The following MGARP variants were observed in gnomAD, a reference collection of about 807,000 sequenced individuals.
MGARP encodes mitochondria localized glutamic acid rich protein.
A neutral mutation model predicts 11.0 loss-of-function variants in MGARP; 12 were observed. The observed-to-expected ratio is 1.09, with a 90% CI of 0.70 to 1.77. The LOEUF (loss-of-function observed/expected upper bound fraction) is 1.77. MGARP is among the 40% of genes most tolerant of loss of function. The probability of loss-of-function intolerance (pLI) is 0.00; values close to 1 mark genes in which losing one functional copy is unlikely to be tolerated. For missense variants in MGARP, 283 were observed against 297.8 expected (o/e 0.95, Z 0.36); for synonymous variants, 110 against 115.4 (o/e 0.95, Z 0.30).
In MGARP at chr4:139,266,934, C is replaced by A; in HGVS notation, c.388G>T (p.Val130Phe). 1.2e-6 allele frequency: 2 copies of A among 1,614,218 alleles called. No individual in the cohort carries two copies. The highest frequency in any genetic ancestry group is 1.7e-6 in the Non-Finnish European group (2 of 1,180,032). Residue 130 changes from valine to phenylalanine, a missense_variant, in exon 4 of 4, where the codon GTT becomes TTT. Physicochemically the swap from Val to Phe is conservative, Grantham distance 50. Coordinates refer to ENST00000398955, the MANE Select transcript of MGARP (RefSeq NM_032623.4). ...GCAGATGCCTCTTTTATGACCACAA[C>A]TGTAGCACTGGGACTTTCTTCAGCA... is the stretch of plus-strand genomic sequence containing the variant. Reference protein sequence around the residue: ...VDAEESPSATVVVIKEASACP... With the variant: ...VDAEESPSATFVVIKEASACP...
chr4:139,273,266 C>T (rs1744814201), intron 2 of MGARP, among the ~76,000 whole-genome samples: 1 of 151,658 alleles, frequency 6.6e-6, no homozygotes, highest in Non-Finnish European at 1.5e-5. Flanking sequence ...GTTGACCAGG[C>T]TTGAGTGCAG....
At chr4:139,274,781 C>T (rs1744842224) in intron 2 of MGARP, among the ~76,000 whole-genome samples, 1 of 152,170 alleles carries the variant, frequency 6.6e-6, no homozygotes, top group African/African-American at 2.4e-5. Flanking sequence ...CTGCACCCAG[C>T]TCCTATATTA....
intron 2 of MGARP, among the ~76,000 whole-genome samples, chr4:139,270,168 C>T (rs946441693): frequency 1.1e-4 from 16 of 151,342 alleles, no homozygotes; most frequent in East Asian, 3.9e-4. Context: ...GGCGTGGTGG[C>T]GCATGCCTGT....
rs73853233 is a variant in MGARP, at chr4:139,268,431, T to C, written c.280+241A>G. ...TATTACCACACAAAGGAGTCAAAAGTCACTGGTCAGCAATATAAATGTAAA... is the reference window on the plus strand; with the variant it reads ...TATTACCACACAAAGGAGTCAAAAGCCACTGGTCAGCAATATAAATGTAAA... On this transcript the variant is annotated intron_variant, in intron 3 of 3. Transcript: ENST00000398955. Among the ~76,000 whole-genome samples the C allele has an allele frequency of 5.7e-3, 863 of 152,322 alleles. 5 individuals carry two copies. The highest frequency in any genetic ancestry group is 0.019 in the African/African-American group (810 of 41,576).
At position 139,275,315 on chromosome 4, in the gene MGARP, C is replaced by T. The variant is rs376742509; in HGVS notation, c.160G>A (p.Val54Ile). The change falls in exon 2 of 4, where the codon GTC becomes ATC. Residue 54 changes from valine to isoleucine, a missense_variant. By Grantham distance (29) the Val-to-Ile change is conservative (BLOSUM62 3). Transcript: ENST00000398955. ...TAATATCCACCAGCACTGACTGTGA[C>T]GCCTACAACCAGATAATAAATCATA... ...SNMIYYLVVG[V>I]TVSAGGYYAY... is the part of the protein sequence containing the mutation. 172 of 1,613,720 alleles carry T rather than the reference C, an allele frequency of 1.1e-4. No individual in the cohort carries two copies. The highest frequency in any genetic ancestry group is 5.8e-4 in the East Asian group (26 of 44,880).
intron 2 of MGARP, among the ~76,000 whole-genome samples, chr4:139,269,111 C>A (rs1744738364): frequency 6.6e-6 from 1 of 152,064 alleles, no homozygotes; most frequent in Non-Finnish European, 1.5e-5. Flanking sequence ...ACATGTACAC[C>A]TTAACCTAAA....
At chr4:139,275,111 C>T (rs1022628059) in intron 2 of MGARP, among the ~76,000 whole-genome samples, 178 bp downstream of exon 2, 2 of 151,928 alleles carry the variant, frequency 1.3e-5, no homozygotes, top group Non-Finnish European at 2.9e-5. Flanking sequence ...TTATGAAAAC[C>T]CTGTATTTCT....
At chr4:139,273,510 CTT>C (rs1000327890) in intron 2 of MGARP, among the ~76,000 whole-genome samples, 18 of 123,636 alleles carry the variant, frequency 1.5e-4, no homozygotes, top group East Asian at 2.4e-4. Context: ...TACTTTTATT[CTT>C]TTTTTTTTTT....
chr4:139,271,837 A>G (rs1265711787), intron 2 of MGARP, among the ~76,000 whole-genome samples: 1 of 152,206 alleles, frequency 6.6e-6, no homozygotes, highest in African/African-American at 2.4e-5. Flanking sequence ...TTCCATCCCT[A>G]CTGTGAGAGA....
Position 139,266,462 on chromosome 4 carries a change from T to C in MGARP, c.*137A>G, listed in dbSNP as rs998374687. On this transcript the variant is annotated 3_prime_UTR_variant, in exon 4 of 4. Transcript: ENST00000398955. ...CTCAGTCCTAAAATCTATCAGTGGA[T>C]GCCAAAAATCTTCAAGACCCATTAA... The C allele has an allele frequency of 2.2e-5, 17 of 768,520 alleles. No individual in the cohort carries two copies. The African/African-American group carries it at 2.8e-4, about 13-fold the overall frequency. The allele number at this position is 768,520 out of a possible 1,614,324, so 47.6% of individuals were successfully genotyped here.
In MGARP at chr4:139,267,177, G is replaced by A. The variant is rs1357876543; in HGVS notation, c.281-136C>T. 23 of 870,582 alleles carry A rather than the reference G, an allele frequency of 2.6e-5. No homozygotes were observed. In the East Asian group the frequency reaches 5.7e-4, roughly 22 times the overall value. The allele number at this position is 870,582 out of a possible 1,614,324, so 53.9% of individuals were successfully genotyped here. On this transcript the variant is annotated intron_variant, in intron 3 of 3. Coordinates refer to ENST00000398955, the MANE Select transcript of MGARP (RefSeq NM_032623.4). ...CAGTCTTCAAGGTAGACTCTCAAGT[G>A]AAACAGCAAAAAAAGAACAATGTAT...
intron 2 of MGARP, among the ~76,000 whole-genome samples, chr4:139,274,143 G>A (rs1744830128): frequency 6.6e-6 from 1 of 151,462 alleles, no homozygotes; most frequent in African/African-American, 2.4e-5. Context: ...GAGAGAGGGA[G>A]AAATGAGTAG....
chr4:139,272,561 CAAA>C (rs35412789), intron 2 of MGARP, among the ~76,000 whole-genome samples: 61 of 109,298 alleles, frequency 5.6e-4, no homozygotes, highest in South Asian at 6.4e-4. Context: ...TGTCCCCTCC[CAAA>C]AAAAAAAAAA....
intron 2 of MGARP, among the ~76,000 whole-genome samples, chr4:139,269,580 G>A (rs1352327865): frequency 7.0e-5 from 10 of 143,174 alleles, no homozygotes; most frequent in African/African-American, 1.1e-4. Flanking sequence ...GCAGTGAGCC[G>A]AGATCATGCC....
rs755455516 is a variant in MGARP, at chr4:139,266,840, GT to G, written c.481del (p.Thr161GlnfsTer11). 1 of 1,614,176 alleles carries G rather than the reference GT, an allele frequency of 6.2e-7. No individual in the cohort carries two copies. The highest frequency in any genetic ancestry group is 1.7e-5 in the Admixed American group (1 of 60,006). On this transcript the variant is annotated frameshift_variant, in exon 4 of 4. Transcript: ENST00000398955. LOFTEE classifies it low-confidence loss of function (END_TRUNC). The stretch of plus-strand genomic sequence containing the variant: ...CGTGGTTTCCCTCGCCGCTGCATCT[GT>G]GACCTCTGGCCCGGTTTCAGCACTG... ...AVSAETGPEV[T>X]DAAARETTEV...
At chr4:139,274,105 A>G (rs1289854333) in intron 2 of MGARP, among the ~76,000 whole-genome samples, 1 of 151,854 alleles carries the variant, frequency 6.6e-6, no homozygotes, top group African/African-American at 2.4e-5. Context: ...ACTAACAAAA[A>G]TTATGGAGAC....
At chr4:139,277,169 A>G (rs1312121058) in intron 1 of MGARP, among the ~76,000 whole-genome samples, 1 of 152,210 alleles carries the variant, frequency 6.6e-6, no homozygotes, top group Non-Finnish European at 1.5e-5. Context: ...AAGCATGTCC[A>G]ACCTGCAATT....
chr4:139,279,750 A>ACC (rs1744927705), intron 1 of MGARP, among the ~76,000 whole-genome samples: 1 of 152,166 alleles, frequency 6.6e-6, no homozygotes. Flanking sequence ...AGTGCTTTTA[A>ACC]CCATACATTA....
At chr4:139,270,624 A>G (rs996601797) in intron 2 of MGARP, among the ~76,000 whole-genome samples, 13 of 149,838 alleles carry the variant, frequency 8.7e-5, no homozygotes, top group Non-Finnish European at 1.5e-4. Flanking sequence ...AAAAAAAAAA[A>G]AAAGAAAAGA....
Sources: allele counts gnomAD v4.1 joint callset (sites outside exome capture counted in the v4.1 genomes callset), GRCh38; gene constraint gnomAD v4.1.1; transcripts MANE v1.5; gene names NCBI Gene and HGNC (gene_info 2026-07-23, HGNC 2026-07-21).